Variants in SVEP1 observed in about 807,000 individuals in gnomAD.
SVEP1 encodes the protein sushi, von Willebrand factor type A, EGF and pentraxin domain containing 1.
Under a neutral mutation model 367.3 loss-of-function variants are expected in SVEP1, and 164 were observed. The ratio of observed to expected loss-of-function variants is 0.45; its 90% CI spans 0.39 to 0.51. The LOEUF is 0.51. Among genes scored for constraint, SVEP1 ranks in the 20% least tolerant of loss-of-function variants. The pLI, the probability that SVEP1 is intolerant of heterozygous loss-of-function variation, is 0.00. For synonymous variants in SVEP1, 1,666 were observed against 1,611.6 expected (o/e 1.03, Z -0.81); for missense variants, 4,117 against 4,425.3 (o/e 0.93, Z 1.98).
chr9:110,556,931 G>A (rs1439632732), intron 1 of SVEP1, among the ~76,000 whole-genome samples: 1 of 152,300 alleles, frequency 6.6e-6, no homozygotes, highest in Non-Finnish European at 1.5e-5. Flanking sequence ...AGTAAATTAT[G>A]TCAGTGTTTC....
At position 110,379,348 on chromosome 9, in the gene SVEP1, T is replaced by A. The variant is rs887928638; in HGVS notation, c.10407A>T (p.Arg3469Ser). 1.2e-6 allele frequency: 2 copies of A among 1,613,280 alleles called. No homozygotes were observed. Among genetic ancestry groups the A allele is most frequent in the African/African-American group, 2.7e-5 (2 of 74,932 alleles). The change falls in exon 44 of 48, where the codon AGA becomes AGT. Residue 3469 changes from arginine to serine, a missense_variant and splice_region_variant. Arg to Ser is a moderately radical substitution (Grantham distance 110, BLOSUM62 -1). Around this residue, in one of 4 missense-constraint regions of SVEP1, gnomAD observed 1,765 missense variants for 1,781.1 expected, o/e 0.99. Coordinates refer to ENST00000374469, the MANE Select transcript of SVEP1 (RefSeq NM_153366.4). ...NGTWTSPPIC[R>S]AVCRFPCQNG... is the part of the protein sequence containing the mutation. ...ATAACCATTCAAATATTTCCTTACCTCTGCAAATAGGAGGTGATGTCCATG... is the reference window on the plus strand; with the variant it reads ...ATAACCATTCAAATATTTCCTTACCACTGCAAATAGGAGGTGATGTCCATG...
Position 110,411,105 on chromosome 9 carries a change from T to C in SVEP1, c.6606A>G (p.Val2202=), listed in dbSNP as rs1773020295. 1 of 1,608,176 alleles carries C rather than the reference T, an allele frequency of 6.2e-7. No individual in the cohort carries two copies. Among genetic ancestry groups the C allele is most frequent in the Admixed American group, 1.7e-5 (1 of 59,488 alleles). Residue 2202 remains valine (V), a synonymous_variant, in exon 37 of 48, where the codon GTA becomes GTG. Coordinates refer to ENST00000374469, the MANE Select transcript of SVEP1 (RefSeq NM_153366.4). The part of the protein sequence containing the change: ...WSSPIPTCHP[V]SCGEPPKVEN... ...CAACCTTAGGTGGTTCACCACAAGA[T>C]ACCGGGTGGCACGTCGGTATAGGAC... is the stretch of plus-strand genomic sequence containing the variant.
rs895198281 is a variant in SVEP1, at chr9:110,390,095, A to T, written c.9823-508T>A. Among the ~76,000 whole-genome samples the T allele has an allele frequency of 1.1e-4, 13 of 114,502 alleles. No homozygotes were observed. In the East Asian group the frequency reaches 6.9e-3, roughly 60 times the overall value. 75.1% of individuals were successfully genotyped at this position (114,502 alleles called of 152,430 possible). A position where few individuals can be genotyped will look rare whatever the true frequency, so the allele number is the denominator to read the frequency against. ...TATATATACGTGTATATATACACAT[A>T]CATACTTATATAAGTATATATACAT... On this transcript the variant is annotated intron_variant, in intron 40 of 47. Coordinates refer to ENST00000374469, the MANE Select transcript of SVEP1 (RefSeq NM_153366.4).
intron 36 of SVEP1, 22 bp from the exon 37 acceptor site, chr9:110,411,757 A>C: frequency 6.8e-7 from 1 of 1,473,998 alleles, no homozygotes. Context: ...GGAAGAAAGA[A>C]AGAATAACTA....
In SVEP1 at chr9:110,479,638, T is replaced by G; in HGVS notation, c.2484A>C (p.Lys828Asn). 1 of 1,604,246 alleles carries G rather than the reference T, an allele frequency of 6.2e-7. No individual in the cohort carries two copies. The highest frequency in any genetic ancestry group is 8.5e-7 in the Non-Finnish European group (1 of 1,176,976). The change falls in exon 13 of 48, where the codon AAA becomes AAC. Residue 828 changes from lysine to asparagine, a missense_variant. Around this residue, in one of 4 missense-constraint regions of SVEP1, gnomAD observed 2,174 missense variants for 2,494.3 expected, o/e 0.87. Coordinates refer to ENST00000374469, the MANE Select transcript of SVEP1 (RefSeq NM_153366.4). ...TAAATGACCACTATTGATGTACCAT[T>G]TTTCCCAGGGTCGTCTCAAATGCTT... ...FSEAFETTLG[K>N]MVPSFCSDAE...
At chr9:110,498,368 T>C (rs1299169432) in intron 7 of SVEP1, among the ~76,000 whole-genome samples, 1 of 152,168 alleles carries the variant, frequency 6.6e-6, no homozygotes, top group Non-Finnish European at 1.5e-5. Flanking sequence ...AACTCCTTAT[T>C]AAATGGACAT....
intron 18 of SVEP1, among the ~76,000 whole-genome samples, chr9:110,461,793 T>C (rs983000784): frequency 6.6e-6 from 1 of 152,196 alleles, no homozygotes; most frequent in African/African-American, 2.4e-5. Flanking sequence ...TTCTTGCAGG[T>C]TTGGTCTTTA....
chr9:110,533,203 G>C (rs1830041474), intron 3 of SVEP1, among the ~76,000 whole-genome samples: 1 of 152,150 alleles, frequency 6.6e-6, no homozygotes, highest in Non-Finnish European at 1.5e-5. Context: ...CCGGTCCATG[G>C]CCCAGAGGTT....
At chr9:110,483,751 G>A (rs1011462358) in intron 9 of SVEP1, 58 bp from the exon 10 acceptor site, 47 of 1,358,260 alleles carry the variant, frequency 3.5e-5, no homozygotes, top group Admixed American at 5.0e-5. Flanking sequence ...ACGATGAGGA[G>A]GTTTTCAAAA....
chr9:110,433,696 C>G (rs999880928), intron 30 of SVEP1, among the ~76,000 whole-genome samples: 2 of 151,906 alleles, frequency 1.3e-5, no homozygotes, highest in Non-Finnish European at 2.9e-5. Context: ...GTCTTGAACT[C>G]TTGGGCTCAA....
intron 1 of SVEP1, among the ~76,000 whole-genome samples, chr9:110,575,670 T>G (rs967523617): frequency 6.6e-6 from 1 of 152,088 alleles, no homozygotes; most frequent in African/African-American, 2.4e-5. Flanking sequence ...AACAAAACAT[T>G]TGTTGCCATC....
Position 110,459,087 on chromosome 9 carries a change from G to T in SVEP1, c.3349C>A (p.Arg1117Ser), listed in dbSNP as rs576679965. The change falls in exon 19 of 48, where the codon CGT becomes AGT. Residue 1117 changes from arginine (R) to serine (S), a missense_variant. By Grantham distance (110) the Arg-to-Ser change is moderately radical. Transcript: ENST00000374469. ...GVPCPEGKFSRSGLMPCHPCP... is the reference protein window; with the variant it reads ...GVPCPEGKFSSSGLMPCHPCP... ...GGGTGACAGGGCATTAACCCAGAAC[G>T]CGAGAATTTTCCTTCTGGACAAGGA... The T allele has an allele frequency of 1.2e-6, 2 of 1,613,632 alleles. No individual in the cohort carries two copies. The highest frequency in any genetic ancestry group is 1.7e-5 in the Admixed American group (1 of 59,988).
intron 29 of SVEP1, among the ~76,000 whole-genome samples, chr9:110,434,816 G>A (rs978618465): frequency 7.9e-5 from 12 of 151,292 alleles, no homozygotes; most frequent in Non-Finnish European, 1.3e-4. Flanking sequence ...TTGATTTTAT[G>A]ATACAGTTTT....
At chr9:110,412,984 A>G (rs865811666) in intron 36 of SVEP1, among the ~76,000 whole-genome samples, 226 of 151,472 alleles carry the variant, frequency 1.5e-3, no homozygotes, top group Middle Eastern at 3.4e-3. Context: ...TCAGTGTGGC[A>G]ATTCCTCAGG....
intron 17 of SVEP1, among the ~76,000 whole-genome samples, chr9:110,467,688 T>TGGTGC (rs1161326890): frequency 6.6e-6 from 1 of 150,540 alleles, no homozygotes; most frequent in Non-Finnish European, 1.5e-5. Context: ...CAGGCTGGAG[T>TGGTGC]GCAGTGGTGC....
Position 110,510,067 on chromosome 9 carries a change from G to A in SVEP1, c.1303+2859C>T, listed in dbSNP as rs529279318. On this transcript the variant is annotated intron_variant, in intron 5 of 47. Coordinates refer to ENST00000374469, the MANE Select transcript of SVEP1 (RefSeq NM_153366.4). Reference sequence around the variant, plus strand: ...TCAGAGTCAGTGATAGAAAAATGCAGTGATGCCCAGGGGGTTCCAGCTTGC... The same window carrying A: ...TCAGAGTCAGTGATAGAAAAATGCAATGATGCCCAGGGGGTTCCAGCTTGC... Among the ~76,000 whole-genome samples the A allele has an allele frequency of 1.4e-4, 21 of 152,334 alleles. 1 individual carries two copies. The highest frequency in any genetic ancestry group is 3.3e-4 in the Admixed American group (5 of 15,294).
intron 47 of SVEP1, among the ~76,000 whole-genome samples, chr9:110,367,667 A>ACTACAGTC (rs11282052): frequency 6.6e-6 from 1 of 151,484 alleles, no homozygotes; most frequent in South Asian, 2.1e-4. Flanking sequence ...CCAACCTAGG[A>ACTACAGTC]CATTGATTCA....
chr9:110,532,970 CA>C (rs922500624), intron 3 of SVEP1, among the ~76,000 whole-genome samples: 2 of 152,274 alleles, frequency 1.3e-5, no homozygotes, highest in Middle Eastern at 3.4e-3. Context: ...GGGATGGTTT[CA>C]GGATGAAACT....
rs1827969845 is a variant in SVEP1 at position 110,407,243 on chromosome 9, A to G, written c.8357T>C (p.Ile2786Thr). 2 of 1,613,886 alleles carry G rather than the reference A, an allele frequency of 1.2e-6. No individual in the cohort carries two copies. Among genetic ancestry groups the G allele is most frequent in the Non-Finnish European group, 1.7e-6 (2 of 1,179,870 alleles). The change falls in exon 38 of 48, where the codon ATC (isoleucine) becomes ACC (threonine). Residue 2786 changes from isoleucine to threonine, a missense_variant. Ile to Thr is a moderately conservative substitution (Grantham distance 89). Transcript: ENST00000374469. Reference sequence around the variant, plus strand: ...CAGGTATGTGTAGTTGCTTCCTTTGATGGATCCATTCATGACTGGATTTGG... The same window carrying G: ...CAGGTATGTGTAGTTGCTTCCTTTGGTGGATCCATTCATGACTGGATTTGG... ...KKPNPVMNGSIKGSNYTYLST... is the reference protein window; with the variant it reads ...KKPNPVMNGSTKGSNYTYLST...
Sources: allele counts gnomAD v4.1 joint callset (sites outside exome capture counted in the v4.1 genomes callset), GRCh38; gene constraint gnomAD v4.1.1; regional missense constraint gnomAD v4.1.1; transcripts MANE v1.5; gene names NCBI Gene and HGNC (gene_info 2026-07-23, HGNC 2026-07-21).